Variants in TBX1 observed in about 807,000 individuals in gnomAD.
TBX1 encodes the protein T-box transcription factor 1.
In TBX1, 16 loss-of-function variants were observed where a neutral mutation model predicts 40.8. The ratio of observed to expected loss-of-function variants is 0.39; its 90% CI spans 0.27 to 0.60. The LOEUF is 0.60. Among genes scored for constraint, TBX1 ranks in the 20% least tolerant of loss-of-function variants. The probability of loss-of-function intolerance (pLI) is 0.51; values close to 1 mark genes in which losing one functional copy is unlikely to be tolerated. For missense variants in TBX1, 755 were observed against 728.5 expected, an observed-to-expected ratio of 1.04 and a Z score of -0.42; for synonymous variants, 403 against 336.8, an observed-to-expected ratio of 1.20 and a Z score of -2.15.
intron 8 of TBX1, among the ~76,000 whole-genome samples, chr22:19,778,266 A>ATGT (rs1311483965): frequency 6.7e-6 from 1 of 150,130 alleles, no homozygotes; most frequent in Non-Finnish European, 1.5e-5. Flanking sequence ...GGCTTTTTTG[A>ATGT]TGTTGTTGTT....
At chr22:19,764,407 A>C in intron 3 of TBX1, 81 bp downstream of exon 3, 1 of 1,556,364 alleles carries the variant, frequency 6.4e-7, no homozygotes, top group Non-Finnish European at 8.8e-7. Flanking sequence ...AGAGGCCTGT[A>C]GAATCCCCAG....
At chr22:19,757,807 G>A (rs570859233), upstream of TBX1, among the ~76,000 whole-genome samples, 7 of 152,286 alleles carry the variant, frequency 4.6e-5, no homozygotes, top group South Asian at 2.1e-4. Flanking sequence ...ACTTGTCCCT[G>A]GGTCCCCTCA....
Position 19,761,245 on chromosome 22 carries a change from G to C in TBX1, c.402G>C (p.Gln134His), listed in dbSNP as rs1407342000. Reference protein sequence around the residue: ...EMKALWDEFNQLGTEMIVTKA... With the variant: ...EMKALWDEFNHLGTEMIVTKA... ...AGGCGCTGTGGGACGAGTTCAACCA[G>C]CTGGGCACCGAGATGATCGTCACCA... The change falls in exon 1 of 7, where the codon CAG becomes CAC. Residue 134 changes from glutamine to histidine, a missense_variant. By Grantham distance (24) the Gln-to-His change is conservative (BLOSUM62 0). Coordinates refer to ENST00000649276, the MANE Select transcript of TBX1 (RefSeq NM_001379200.1). 1.0e-5 allele frequency: 16 copies of C among 1,569,432 alleles called. No homozygotes were observed. The highest frequency in any genetic ancestry group is 1.4e-5 in the Non-Finnish European group (16 of 1,156,444).
chr22:19,777,802 C>T (rs1264537224), intron 8 of TBX1, among the ~76,000 whole-genome samples: 1 of 151,412 alleles, frequency 6.6e-6, no homozygotes, highest in South Asian at 2.1e-4. Context: ...CTCTGCCCCC[C>T]AGCCTGGAGT....
At chr22:19,770,704 T>C (rs1936975508), downstream of TBX1, among the ~76,000 whole-genome samples, 1 of 152,164 alleles carries the variant, frequency 6.6e-6, no homozygotes, top group African/African-American at 2.4e-5. Context: ...ATGACAGTTG[T>C]ATGAGGCTGA....
chr22:19,770,031 TA>T (rs1230003717), downstream of TBX1, among the ~76,000 whole-genome samples: 7 of 152,138 alleles, frequency 4.6e-5, no homozygotes, highest in East Asian at 1.9e-4. Context: ...GTGTAGGGGA[TA>T]GGGGGCTCGT....
chr22:19,779,433 T>C (rs760504147), exon 9 of TBX1: 16 of 1,613,882 alleles, frequency 9.9e-6, no homozygotes, highest in Non-Finnish European at 1.4e-5. Flanking sequence ...CATGGGCACA[T>C]GGAGTTGTCG....
Position 19,765,769 on chromosome 22 carries a change from C to T in TBX1, c.879C>T (p.Leu293=). The change falls in exon 5 of 7, where the codon CTC becomes CTT. Residue 293 remains leucine (L), a synonymous_variant. Transcript: ENST00000649276. ...TAYQNHRITQ[L]KIASNPFAKG... ...CCACCTCCCTGCAGATCACGCAGCT[C>T]AAGATTGCCAGCAATCCCTTCGCGA... The T allele has an allele frequency of 6.2e-7, 1 of 1,611,968 alleles. No individual in the cohort carries two copies. Among genetic ancestry groups the T allele is most frequent in the Non-Finnish European group, 8.5e-7 (1 of 1,179,362 alleles).
At chr22:19,759,471 G>A, upstream of TBX1, 2 of 1,432,606 alleles carry the variant, frequency 1.4e-6, no homozygotes, top group Non-Finnish European at 1.8e-6. Context: ...CGGAGGCGGC[G>A]CCGGCCAGGC....
chr22:19,757,602 GGT>G (rs1355264017), upstream of TBX1, among the ~76,000 whole-genome samples: 8 of 152,146 alleles, frequency 5.3e-5, no homozygotes, highest in Non-Finnish European at 8.8e-5. Flanking sequence ...GGCCTCTCTG[GGT>G]GCAGACTGCC....
downstream of TBX1, among the ~76,000 whole-genome samples, chr22:19,772,259 C>T (rs1230500836): frequency 2.0e-5 from 3 of 152,012 alleles, no homozygotes; most frequent in Non-Finnish European, 2.9e-5. Context: ...TCCGCCACCA[C>T]GCCCGGCTAA....
chr22:19,776,428 A>G (rs971634283), intron 8 of TBX1, among the ~76,000 whole-genome samples: 3 of 152,204 alleles, frequency 2.0e-5, no homozygotes, highest in African/African-American at 7.2e-5. Context: ...CTGCTCTAGA[A>G]GAGCTCATGT....
downstream of TBX1, chr22:19,767,342 G>A (rs1402726158): frequency 3.0e-6 from 3 of 988,118 alleles, no homozygotes; most frequent in Non-Finnish European, 3.6e-6. Flanking sequence ...GAAGCCGCCT[G>A]CGTGTCCATT....
chr22:19,775,486 C>T (rs1279696039), intron 8 of TBX1, among the ~76,000 whole-genome samples: 2 of 152,222 alleles, frequency 1.3e-5, no homozygotes. Context: ...CTTGGATTGA[C>T]CAATTCCCTA....
upstream of TBX1, among the ~76,000 whole-genome samples, chr22:19,757,524 G>A (rs1188609237): frequency 2.6e-5 from 4 of 152,198 alleles, no homozygotes; most frequent in South Asian, 6.2e-4. Flanking sequence ...CAGGACACAA[G>A]CTTGGGCATA....
chr22:19,767,726 A>AT (rs1936911868), downstream of TBX1, among the ~76,000 whole-genome samples: 1 of 152,228 alleles, frequency 6.6e-6, no homozygotes, highest in Non-Finnish European at 1.5e-5. Context: ...TTCGGGACAG[A>AT]TGCTTGTGCT....
chr22:19,767,645 C>T (rs539129450), downstream of TBX1, among the ~76,000 whole-genome samples: 4 of 152,336 alleles, frequency 2.6e-5, no homozygotes, highest in South Asian at 6.2e-4. Flanking sequence ...GTGCATCCTG[C>T]CTTTTTACTT....
At position 19,766,688 on chromosome 22, in the gene TBX1, C is replaced by T. The variant is rs201993443; in HGVS notation, c.1336C>T (p.Pro446Ser). Residue 446 changes from proline (P) to serine (S), a missense_variant, in exon 7 of 7, where the codon CCG becomes TCG. This residue lies in a region of TBX1 where 412 missense variants were observed against 317.6 expected (regional missense o/e 1.30). Transcript: ENST00000649276. ...GGCCAAGAGCCGGCCGGCGCCCTAC[C>T]CGCTGCCCGGCCTGCGTGGCCACGG... is the stretch of plus-strand genomic sequence containing the variant. Reference protein sequence around the residue: ...LGAKSRPAPYPLPGLRGHGYH... With the variant: ...LGAKSRPAPYSLPGLRGHGYH... 410 of 1,549,436 alleles carry T rather than the reference C, an allele frequency of 2.6e-4. 1 individual carries two copies. The highest frequency in any genetic ancestry group is 5.1e-4 in the Admixed American group (28 of 55,248).
At chr22:19,761,708 C>T (rs553113527) in intron 1 of TBX1, among the ~76,000 whole-genome samples, 2 of 152,244 alleles carry the variant, frequency 1.3e-5, no homozygotes, top group Admixed American at 1.3e-4. Flanking sequence ...TGGTTCAGTT[C>T]TGGAGTTCAG....
Sources: allele counts gnomAD v4.1 joint callset (sites outside exome capture counted in the v4.1 genomes callset), GRCh38; gene constraint gnomAD v4.1.1; regional missense constraint gnomAD v4.1.1; transcripts MANE v1.5; gene names NCBI Gene and HGNC (gene_info 2026-07-23, HGNC 2026-07-21).